The following NCAM1 variants were observed in gnomAD, a reference collection of about 807,000 sequenced individuals.
NCAM1 encodes antigen recognized by monoclonal antibody 5.1H11.
A neutral mutation model predicts 109.8 loss-of-function variants in NCAM1; 14 were observed. That is an observed-to-expected ratio of 0.13 (90% CI 0.08 to 0.20). The LOEUF (loss-of-function observed/expected upper bound fraction) is 0.20, where lower values mean the gene tolerates loss of function less well. Ranked by LOEUF, NCAM1 falls within the 10% of genes least tolerant of loss-of-function variation. The pLI is 1.00. For missense variants in NCAM1, 774 were observed against 1,109.9 expected (o/e 0.70, Z 4.30); for synonymous variants, 418 against 442.9 (o/e 0.94, Z 0.70).
intron 1 of NCAM1, among the ~76,000 whole-genome samples, chr11:113,072,726 G>C (rs374846632): frequency 9.5e-5 from 6 of 63,462 alleles, no homozygotes; most frequent in African/African-American, 4.1e-4. Flanking sequence ...TATGTTGCTA[G>C]AGTCATCTTT....
chr11:113,002,325 A>G (rs1236626713), intron 1 of NCAM1, among the ~76,000 whole-genome samples: 1 of 152,214 alleles, frequency 6.6e-6, no homozygotes, highest in Non-Finnish European at 1.5e-5. Flanking sequence ...GAGTACACAA[A>G]TCTAAAACTA....
chr11:113,264,989 C>T, intron 17 of NCAM1: 1 of 985,506 alleles, frequency 1.0e-6, no homozygotes, highest in Non-Finnish European at 1.2e-6. Context: ...CTTGCTCAGC[C>T]ACACCCCACT....
chr11:113,209,615 A>G (rs1446443829), intron 7 of NCAM1, among the ~76,000 whole-genome samples: 1 of 152,198 alleles, frequency 6.6e-6, no homozygotes, highest in Non-Finnish European at 1.5e-5. Flanking sequence ...ACAAAGAGGG[A>G]GATAAATGGA....
intron 1 of NCAM1, among the ~76,000 whole-genome samples, chr11:113,101,349 C>T (rs1939864231): frequency 6.6e-6 from 1 of 152,128 alleles, no homozygotes; most frequent in Non-Finnish European, 1.5e-5. Context: ...CTTCAATTCC[C>T]CTGTTAGTTG....
In NCAM1 at chr11:113,173,089, G is replaced by A. The variant is rs540315640; in HGVS notation, c.53-29290G>A. 6.6e-5 allele frequency among the ~76,000 whole-genome samples: 10 copies of A among 152,154 alleles called. 1 individual carries two copies. Among genetic ancestry groups the A allele is most frequent in the East Asian group, 5.8e-4 (3 of 5,186 alleles). ...TCCCTCAGAAAAGCAATGGCTTCTC[G>A]TTGTACCCTCCCTACACAATGCCTG... On this transcript the variant is annotated intron_variant, in intron 1 of 19. Coordinates refer to ENST00000316851, the MANE Select transcript of NCAM1 (RefSeq NM_181351.5).
intron 7 of NCAM1, among the ~76,000 whole-genome samples, chr11:113,212,690 G>A (rs1233991353): frequency 6.6e-6 from 1 of 152,050 alleles, no homozygotes; most frequent in Non-Finnish European, 1.5e-5. Flanking sequence ...TAGAGATTCA[G>A]CTCTTACTTT....
chr11:113,263,232 A>T (rs1001614890), intron 17 of NCAM1: 5 of 1,071,092 alleles, frequency 4.7e-6, no homozygotes, highest in Non-Finnish European at 5.7e-6. Flanking sequence ...AAGTTTCTGC[A>T]TATCTGCTAC....
In NCAM1 at chr11:113,264,827, G is replaced by A. The variant is rs1372566170; in HGVS notation, c.2131+4504G>A. 6.1e-6 allele frequency: 6 copies of A among 985,262 alleles called. No homozygotes were observed. In the African/African-American group the frequency reaches 7.0e-5, roughly 11 times the overall value. The allele number at this position is 985,262 out of a possible 1,614,324, so 61.0% of individuals were successfully genotyped here. A position where few individuals can be genotyped will look rare whatever the true frequency, so the allele number is the denominator to read the frequency against. ...AAGGGTCCCATTTAGACAGACCCAC[G>A]GCTTGTAACAGTGCGCTCCTCAGGA... is the stretch of plus-strand genomic sequence containing the variant. On this transcript the variant is annotated intron_variant, in intron 17 of 19. Transcript: ENST00000316851.
intron 8 of NCAM1, among the ~76,000 whole-genome samples, chr11:113,218,229 A>G (rs909199213): frequency 3.3e-5 from 5 of 152,290 alleles, no homozygotes; most frequent in Admixed American, 2.6e-4. Context: ...TGTCCAAGTC[A>G]CTGATAGAAA....
At chr11:112,996,452 T>A (rs973897130) in intron 1 of NCAM1, among the ~76,000 whole-genome samples, 2 of 152,214 alleles carry the variant, frequency 1.3e-5, no homozygotes, top group Non-Finnish European at 2.9e-5. Context: ...TTCACTGATA[T>A]GACATAACGT....
At chr11:113,116,130 C>A (rs1940696035) in intron 1 of NCAM1, among the ~76,000 whole-genome samples, 1 of 152,216 alleles carries the variant, frequency 6.6e-6, no homozygotes, top group Admixed American at 6.5e-5. Flanking sequence ...TAGTTGATAT[C>A]TGATCACCTC....
chr11:113,064,602 T>A (rs1445345595), intron 1 of NCAM1, among the ~76,000 whole-genome samples: 1 of 152,184 alleles, frequency 6.6e-6, no homozygotes. Context: ...TCTCCAGTAG[T>A]CCTTTGCAGT....
At chr11:113,063,199 A>G (rs1555083702) in intron 1 of NCAM1, among the ~76,000 whole-genome samples, 1 of 151,984 alleles carries the variant, frequency 6.6e-6, no homozygotes, top group African/African-American at 2.4e-5. Context: ...TTATGAGTAA[A>G]CTCACCTGGT....
chr11:113,151,438 C>T (rs1942220524), intron 1 of NCAM1, among the ~76,000 whole-genome samples: 1 of 152,146 alleles, frequency 6.6e-6, no homozygotes. Context: ...TATACTCACT[C>T]CTGGGGAGGC....
intron 1 of NCAM1, among the ~76,000 whole-genome samples, chr11:113,163,350 C>T (rs1591378160): frequency 6.6e-6 from 1 of 152,208 alleles, no homozygotes; most frequent in Non-Finnish European, 1.5e-5. Flanking sequence ...GCAGCCGGGT[C>T]AGCCAGGCAG....
intron 1 of NCAM1, among the ~76,000 whole-genome samples, chr11:113,091,197 G>A (rs782434058): frequency 3.3e-5 from 5 of 151,992 alleles, no homozygotes; most frequent in Admixed American, 6.6e-5. Context: ...TCTCAAAAAG[G>A]TTAAGTAACT....
chr11:113,158,595 C>T (rs1487311337), intron 1 of NCAM1, among the ~76,000 whole-genome samples: 1 of 152,214 alleles, frequency 6.6e-6, no homozygotes, highest in Non-Finnish European at 1.5e-5. Flanking sequence ...ATAAGCCAAT[C>T]CCTGTGCATT....
chr11:113,185,068 T>TATATATATATATATATATATATATA (rs1555108634), intron 1 of NCAM1, among the ~76,000 whole-genome samples: 1 of 99,634 alleles, frequency 1.0e-5, no homozygotes, highest in East Asian at 3.7e-4. Flanking sequence ...GCATTTATAT[T>TATATATATATATATATATATATATA]TATATATATA....
chr11:113,127,872 C>T (rs1051722624), intron 1 of NCAM1, among the ~76,000 whole-genome samples: 6 of 152,122 alleles, frequency 3.9e-5, no homozygotes, highest in Non-Finnish European at 5.9e-5. Context: ...ACATATTTGC[C>T]CTTAGATACA....
Sources: allele counts gnomAD v4.1 joint callset (sites outside exome capture counted in the v4.1 genomes callset), GRCh38; gene constraint gnomAD v4.1.1; transcripts MANE v1.5; gene names NCBI Gene and HGNC (gene_info 2026-07-23, HGNC 2026-07-21).